The following VTI1A variants were observed in gnomAD, a reference collection of about 807,000 sequenced individuals.
The protein encoded by VTI1A is vesicle transport through interaction with t-SNAREs homolog 1A.
Under a neutral mutation model 34.9 loss-of-function variants are expected in VTI1A, and 22 were observed. The observed-to-expected ratio is 0.63, with a 90% confidence interval of 0.45 to 0.90. The LOEUF (loss-of-function observed/expected upper bound fraction) is 0.90, where lower values mean the gene tolerates loss of function less well. Ranked by LOEUF, VTI1A falls within the 40% of genes least tolerant of loss-of-function variation. The pLI is 0.00. For missense variants in VTI1A, 268 were observed against 275.6 expected, an observed-to-expected ratio of 0.97 and a Z score of 0.20; for synonymous variants, 87 against 97.3, an observed-to-expected ratio of 0.89 and a Z score of 0.62.
chr10:112,607,706 G>A (rs912747995), intron 5 of VTI1A, among the ~76,000 whole-genome samples: 11 of 152,098 alleles, frequency 7.2e-5, no homozygotes, highest in Admixed American at 2.0e-4. Context: ...TCGGTCTCTC[G>A]GACTCATGAG....
chr10:112,509,120 G>A (rs1849529408), intron 3 of VTI1A, among the ~76,000 whole-genome samples: 1 of 152,178 alleles, frequency 6.6e-6, no homozygotes. Flanking sequence ...TATGCTAGAG[G>A]ATAAACTTGC....
At chr10:112,601,879 G>A (rs1055122560) in intron 5 of VTI1A, among the ~76,000 whole-genome samples, 32 of 152,198 alleles carry the variant, frequency 2.1e-4, no homozygotes, top group Non-Finnish European at 3.5e-4. Flanking sequence ...GATTTTGATA[G>A]AGCAGAATGA....
At chr10:112,557,002 CAA>C (rs1275087133) in intron 5 of VTI1A, among the ~76,000 whole-genome samples, 1 of 151,954 alleles carries the variant, frequency 6.6e-6, no homozygotes, top group Non-Finnish European at 1.5e-5. Flanking sequence ...TTGAAAATCT[CAA>C]TATTGTTGAC....
intron 7 of VTI1A, among the ~76,000 whole-genome samples, chr10:112,772,381 G>A (rs1034637029): frequency 3.3e-5 from 5 of 152,080 alleles, no homozygotes; most frequent in African/African-American, 1.2e-4. Flanking sequence ...TCCTTTGCTC[G>A]CTTTTTAATT....
At chr10:112,471,891 A>G (rs1848099976) in intron 3 of VTI1A, among the ~76,000 whole-genome samples, 1 of 152,190 alleles carries the variant, frequency 6.6e-6, no homozygotes, top group Non-Finnish European at 1.5e-5. Flanking sequence ...CCCTAAATTT[A>G]TACAAACAAA....
intron 7 of VTI1A, among the ~76,000 whole-genome samples, chr10:112,746,562 AG>A (rs1206384707): frequency 6.6e-6 from 1 of 152,232 alleles, no homozygotes; most frequent in Non-Finnish European, 1.5e-5. Context: ...TCCAGAAGAA[AG>A]ACAGGATAAG....
At chr10:112,596,345 G>T (rs545767412) in intron 5 of VTI1A, among the ~76,000 whole-genome samples, 1 of 151,948 alleles carries the variant, frequency 6.6e-6, no homozygotes, top group South Asian at 2.1e-4. Flanking sequence ...ATTTAATATA[G>T]TATGAAGACT....
chr10:112,711,584 G>T (rs1849419691), intron 7 of VTI1A, among the ~76,000 whole-genome samples: 1 of 152,198 alleles, frequency 6.6e-6, no homozygotes, highest in Non-Finnish European at 1.5e-5. Flanking sequence ...TGAGTCATTG[G>T]TAAAGCCAGC....
intron 7 of VTI1A, among the ~76,000 whole-genome samples, chr10:112,729,765 A>G (rs1203774722): frequency 6.6e-6 from 1 of 152,210 alleles, no homozygotes; most frequent in East Asian, 1.9e-4. Context: ...TGGGCACTCC[A>G]TTTTCAAATC....
At chr10:112,780,392 A>G (rs1054439312) in intron 7 of VTI1A, among the ~76,000 whole-genome samples, 2 of 152,078 alleles carry the variant, frequency 1.3e-5, no homozygotes, top group Non-Finnish European at 2.9e-5. Flanking sequence ...ATCTTGGTGG[A>G]AAAGGCATTG....
At chr10:112,547,274 C>T (rs1851165143) in intron 5 of VTI1A, among the ~76,000 whole-genome samples, 1 of 151,724 alleles carries the variant, frequency 6.6e-6, no homozygotes, top group South Asian at 2.1e-4. Context: ...ACAGGGTGAG[C>T]CCTTGTCTCA....
chr10:112,472,318 G>C (rs1848118143), intron 3 of VTI1A, among the ~76,000 whole-genome samples: 1 of 152,134 alleles, frequency 6.6e-6, no homozygotes, highest in African/African-American at 2.4e-5. Flanking sequence ...CTACATCAGA[G>C]AATGGCACTT....
At chr10:112,458,868 A>G (rs1053451062) in intron 1 of VTI1A, among the ~76,000 whole-genome samples, 2 of 151,858 alleles carry the variant, frequency 1.3e-5, no homozygotes, top group African/African-American at 2.4e-5. Context: ...GGGTTTCACT[A>G]TGTTTGCCAG....
intron 5 of VTI1A, among the ~76,000 whole-genome samples, chr10:112,538,976 G>A (rs1313528281): frequency 6.6e-6 from 1 of 152,060 alleles, no homozygotes; most frequent in African/African-American, 2.4e-5. Flanking sequence ...CATAATCTTA[G>A]TATGACTTCT....
chr10:112,649,025 A>T (rs1354849534), intron 5 of VTI1A, among the ~76,000 whole-genome samples: 1 of 152,112 alleles, frequency 6.6e-6, no homozygotes, highest in Non-Finnish European at 1.5e-5. Context: ...CTTTTCCTGT[A>T]CCTGAAGTGG....
At chr10:112,503,947 G>A (rs373608285) in intron 3 of VTI1A, among the ~76,000 whole-genome samples, 4 of 152,096 alleles carry the variant, frequency 2.6e-5, no homozygotes, top group Admixed American at 2.0e-4. Context: ...GCCACTTTAC[G>A]AAATGAGTCA....
At chr10:112,796,403 C>CA (rs34102399) in intron 7 of VTI1A, among the ~76,000 whole-genome samples, 1,689 of 37,540 alleles carry the variant, frequency 0.045, 13 homozygotes, top group African/African-American at 0.053. Flanking sequence ...AAGACTCCGT[C>CA]AAAAAAAAAA....
intron 5 of VTI1A, among the ~76,000 whole-genome samples, chr10:112,550,352 T>G (rs552453791): frequency 4.2e-5 from 6 of 141,970 alleles, no homozygotes; most frequent in Admixed American, 2.1e-4. Context: ...CCAGAAGGTT[T>G]TTTTTTTTTT....
intron 7 of VTI1A, among the ~76,000 whole-genome samples, chr10:112,683,749 A>G (rs1001688160): frequency 1.3e-5 from 2 of 152,062 alleles, no homozygotes; most frequent in Non-Finnish European, 2.9e-5. Context: ...ATTTTTAAAA[A>G]CCTCTCATTT....
Sources: gnomAD v4.1 joint callset for allele counts (sites outside exome capture counted in the v4.1 genomes callset) on GRCh38, gnomAD v4.1.1 for gene constraint, MANE v1.5 for transcripts, NCBI Gene and HGNC (gene_info 2026-07-23, HGNC 2026-07-21) for gene names.